The following KCTD8 variants were observed in gnomAD, a reference collection of about 807,000 sequenced individuals.
KCTD8 encodes BTB/POZ domain-containing protein KCTD8.
A neutral mutation model predicts 31.5 loss-of-function variants in KCTD8; 27 were observed. That is an observed-to-expected ratio of 0.86 (90% CI 0.63 to 1.18). The LOEUF (loss-of-function observed/expected upper bound fraction) is 1.18, where lower values mean the gene tolerates loss of function less well. KCTD8 is among the 50% of genes most tolerant of loss of function. The pLI is 0.00. For missense variants in KCTD8, 658 were observed against 647.7 expected (o/e 1.02, Z -0.17); for synonymous variants, 290 against 280.0 (o/e 1.04, Z -0.36).
chr4:44,284,167 G>A (rs1398086428), intron 1 of KCTD8, among the ~76,000 whole-genome samples: 1 of 152,044 alleles, frequency 6.6e-6, no homozygotes, highest in Admixed American at 6.6e-5. Flanking sequence ...AGCCCACATA[G>A]CCAAGACAAT....
intron 1 of KCTD8, among the ~76,000 whole-genome samples, chr4:44,409,226 C>CAA (rs58417142): frequency 6.8e-6 from 1 of 146,526 alleles, no homozygotes; most frequent in Non-Finnish European, 1.5e-5. Flanking sequence ...TGTCAAAAGT[C>CAA]AAAAAAAAAA....
chr4:44,293,295 CA>C lies in KCTD8; in HGVS notation c.962-118046del, dbSNP rs992928819. On this transcript the variant is annotated intron_variant, in intron 1 of 1. Coordinates refer to ENST00000360029, the MANE Select transcript of KCTD8 (RefSeq NM_198353.3). Reference sequence around the variant, plus strand: ...TACAGTTAGAGTTATCAAATATAGTCAACCAAATTACTGAGTCCAAATGCTT... The same window carrying C: ...TACAGTTAGAGTTATCAAATATAGTCACCAAATTACTGAGTCCAAATGCTT... 7 of 294,894 alleles carry C rather than the reference CA, an allele frequency of 2.4e-5. No homozygotes were observed. The Middle Eastern group carries it at 1.2e-3, about 52-fold the overall frequency. 18.3% of individuals were successfully genotyped at this position (294,894 alleles called of 1,614,324 possible).
intron 1 of KCTD8, among the ~76,000 whole-genome samples, chr4:44,214,560 A>G (rs1714592967): frequency 6.6e-6 from 1 of 152,236 alleles, no homozygotes; most frequent in Non-Finnish European, 1.5e-5. Context: ...ACAATAAAAC[A>G]TCGTAACCCA....
At chr4:44,388,378 C>T (rs1045600018) in intron 1 of KCTD8, among the ~76,000 whole-genome samples, 1 of 151,864 alleles carries the variant, frequency 6.6e-6, no homozygotes, top group Admixed American at 6.6e-5. Context: ...GAATATAAAC[C>T]ATTCTATTAT....
intron 1 of KCTD8, among the ~76,000 whole-genome samples, chr4:44,275,986 T>C (rs1197540286): frequency 6.6e-6 from 1 of 151,634 alleles, no homozygotes; most frequent in Non-Finnish European, 1.5e-5. Context: ...TGAACTTGAT[T>C]AAAATATGGT....
chr4:44,178,420 C>T (rs1246353426), intron 1 of KCTD8, among the ~76,000 whole-genome samples: 1 of 151,938 alleles, frequency 6.6e-6, no homozygotes, highest in Non-Finnish European at 1.5e-5. Context: ...GAATGTGATC[C>T]TAAGCAAGCA....
rs1026243689 is a variant in KCTD8, at chr4:44,317,016, A to AG, written c.961+130546_961+130547insC. ...ACAAATAAAATAATAATAAAAAAAA[A>AG]ACAAACAGGAAACCAGACTCCTAAA... On this transcript the variant is annotated intron_variant, in intron 1 of 1. Transcript: ENST00000360029. Among the ~76,000 whole-genome samples the AG allele has an allele frequency of 5.7e-4, 86 of 150,566 alleles. 1 individual carries two copies. The highest frequency in any genetic ancestry group is 1.2e-3 in the Non-Finnish European group (78 of 67,546).
At chr4:44,441,496 G>A (rs1052123668) in intron 1 of KCTD8, among the ~76,000 whole-genome samples, 3 of 152,014 alleles carry the variant, frequency 2.0e-5, no homozygotes, top group South Asian at 2.1e-4. Context: ...ATACGTTTCA[G>A]ACCACACTTT....
intron 1 of KCTD8, among the ~76,000 whole-genome samples, chr4:44,326,355 T>G (rs1488928899): frequency 6.6e-6 from 1 of 151,850 alleles, no homozygotes; most frequent in African/African-American, 2.4e-5. Flanking sequence ...TAATTTTTAC[T>G]TAAAACTAGG....
intron 1 of KCTD8, among the ~76,000 whole-genome samples, chr4:44,180,138 A>G (rs1716301580): frequency 6.6e-6 from 1 of 152,124 alleles, no homozygotes; most frequent in African/African-American, 2.4e-5. Flanking sequence ...TACCTGAAAC[A>G]TCTTCCTGAA....
intron 1 of KCTD8, among the ~76,000 whole-genome samples, chr4:44,202,782 G>A (rs1714188707): frequency 6.6e-6 from 1 of 151,752 alleles, no homozygotes; most frequent in African/African-American, 2.4e-5. Flanking sequence ...TAAACAAAAA[G>A]TAAAATTGAA....
chr4:44,366,787 C>T (rs1485143248), intron 1 of KCTD8, among the ~76,000 whole-genome samples: 1 of 152,114 alleles, frequency 6.6e-6, no homozygotes, highest in Non-Finnish European at 1.5e-5. Flanking sequence ...CCTCTTACTA[C>T]CCTTCTGTCA....
chr4:44,217,581 C>T (rs1386861036), intron 1 of KCTD8, among the ~76,000 whole-genome samples: 1 of 152,144 alleles, frequency 6.6e-6, no homozygotes, highest in African/African-American at 2.4e-5. Flanking sequence ...AGAAGATTAA[C>T]ATTTGAGTCA....
chr4:44,323,451 G>A (rs899971704), intron 1 of KCTD8, among the ~76,000 whole-genome samples: 10 of 150,412 alleles, frequency 6.6e-5, no homozygotes, highest in South Asian at 2.1e-4. Flanking sequence ...CTGAGATTGC[G>A]CCACTGCACT....
chr4:44,221,687 A>G (rs1278234041), intron 1 of KCTD8, among the ~76,000 whole-genome samples: 1 of 152,132 alleles, frequency 6.6e-6, no homozygotes, highest in African/African-American at 2.4e-5. Flanking sequence ...ATTTGAGGGC[A>G]GCAAGCATCC....
At chr4:44,218,425 T>C (rs1413658859) in intron 1 of KCTD8, among the ~76,000 whole-genome samples, 1 of 151,800 alleles carries the variant, frequency 6.6e-6, no homozygotes, top group Non-Finnish European at 1.5e-5. Flanking sequence ...TGAGCCACTG[T>C]GCCCAGTCTA....
intron 1 of KCTD8, among the ~76,000 whole-genome samples, chr4:44,325,873 A>G (rs1049356482): frequency 3.3e-5 from 5 of 151,920 alleles, no homozygotes; most frequent in Non-Finnish European, 7.4e-5. Flanking sequence ...CACAAACAAG[A>G]CAGGAAGAAA....
At chr4:44,375,053 G>A (rs1665370066) in intron 1 of KCTD8, among the ~76,000 whole-genome samples, 2 of 152,288 alleles carry the variant, frequency 1.3e-5, no homozygotes, top group African/African-American at 2.4e-5. Flanking sequence ...TAATTTTAAA[G>A]TATTATGACA....
In KCTD8 at chr4:44,255,927, C is replaced by A. The variant is rs539102230; in HGVS notation, c.962-80677G>T. Among the ~76,000 whole-genome samples, 5 of 151,990 alleles carry A rather than the reference C, an allele frequency of 3.3e-5. 1 individual carries two copies. The South Asian group carries it at 1.0e-3, about 32-fold the overall frequency. ...TGACTATTGTATTAGTCTGTTCTCA[C>A]GCTGCTAATAAAGACATACCTCAGA... On this transcript the variant is annotated intron_variant, in intron 1 of 1. Coordinates refer to ENST00000360029, the MANE Select transcript of KCTD8 (RefSeq NM_198353.3).
Sources: gnomAD v4.1 joint callset for allele counts (sites outside exome capture counted in the v4.1 genomes callset) on GRCh38, gnomAD v4.1.1 for gene constraint, MANE v1.5 for transcripts, NCBI Gene and HGNC (gene_info 2026-07-23, HGNC 2026-07-21) for gene names.